Variants in TRPV2 observed in about 807,000 individuals in gnomAD.
TRPV2 encodes the protein transient receptor potential cation channel subfamily V member 2, also known as OTRPC2.
TRPV2 carries 58 observed loss-of-function variants against 91.0 expected under a neutral mutation model. That is an observed-to-expected ratio of 0.64 (90% CI 0.52 to 0.79). TRPV2 has a LOEUF of 0.79. TRPV2 is among the 30% of genes least tolerant of loss of function. The probability of loss-of-function intolerance (pLI) is 0.00; values close to 1 mark genes in which losing one functional copy is unlikely to be tolerated. For synonymous variants in TRPV2, 417 were observed against 414.8 expected (o/e 1.01, Z -0.06); for missense variants, 807 against 969.6 (o/e 0.83, Z 2.23).
In TRPV2 at chr17:16,427,514, C is replaced by A. The variant is rs201825898; in HGVS notation, c.1317C>A (p.Ile439=). 1 of 1,613,648 alleles carries A rather than the reference C, an allele frequency of 6.2e-7. No individual in the cohort carries two copies. The highest frequency in any genetic ancestry group is 8.5e-7 in the Non-Finnish European group (1 of 1,179,780). The change falls in exon 8 of 15, where the codon ATC becomes ATA. Residue 439 remains isoleucine (I), a synonymous_variant. Transcript: ENST00000338560. ...TGCTGCTGACGGGCCACATCCTTAT[C>A]CTGCTAGGGGGGATCTACCTCCTCG... ...NSMLLTGHIL[I]LLGGIYLLVG...
chr17:16,423,372 T>C (rs532350379), intron 4 of TRPV2, 97 bp from the exon 5 acceptor site: 13 of 1,380,838 alleles, frequency 9.4e-6, no homozygotes, highest in East Asian at 2.3e-5. Context: ...AAGCCTGACC[T>C]GTTTCAAGGA....
chr17:16,426,141 C>T lies in TRPV2; in HGVS notation c.967C>T (p.His323Tyr). Residue 323 changes from histidine to tyrosine, a missense_variant, in exon 6 of 15, where the codon CAC becomes TAC. Coordinates refer to ENST00000338560, the MANE Select transcript of TRPV2 (RefSeq NM_016113.5). This position sits in a 1 kb window ranked among gnomAD's most constrained non-coding sequence, Gnocchi z 6.0. The part of the protein sequence containing the change: ...ILQREFSGLS[H>Y]LSRKFTEWCY... ...GCAGCGGGAGTTTTCAGGACTGAGC[C>T]ACCTTTCCCGAAAGTTCACCGAGTG... 6.2e-7 allele frequency: 1 copy of T among 1,614,148 alleles called. No homozygotes were observed.
In TRPV2 at chr17:16,431,773, A is replaced by T. The variant is rs772665912; in HGVS notation, c.1588-11A>T. ...GCTACCCACCCTGGCCCCTGGGCAC[A>T]TGTGTTCCAGGTCATCCTGCGGGAC... On this transcript the variant is annotated splice_polypyrimidine_tract_variant and intron_variant, in intron 10 of 14. Transcript: ENST00000338560. 2.5e-6 allele frequency: 4 copies of T among 1,614,048 alleles called. No individual in the cohort carries two copies.
intron 3 of TRPV2, among the ~76,000 whole-genome samples, chr17:16,421,420 G>A (rs1011126478): frequency 4.6e-5 from 7 of 151,002 alleles, no homozygotes; most frequent in African/African-American, 1.2e-4. Context: ...GGGTTTCACC[G>A]TTTTAGCCAG....
At chr17:16,421,233 G>A (rs185207345) in intron 3 of TRPV2, among the ~76,000 whole-genome samples, 108 of 151,174 alleles carry the variant, frequency 7.1e-4, no homozygotes, top group African/African-American at 2.4e-3. Flanking sequence ...TTTTGGAGAC[G>A]GAGTCTTGCT....
intron 10 of TRPV2, 78 bp from the exon 11 acceptor site, chr17:16,431,706 C>A: frequency 7.5e-7 from 1 of 1,333,074 alleles, no homozygotes; most frequent in South Asian, 1.2e-5. Flanking sequence ...AACCATGCTG[C>A]TGTGGGTGAG....
chr17:16,423,675 G>T lies in TRPV2; in HGVS notation c.832G>T (p.Ala278Ser), dbSNP rs1600969070. Residue 278 changes from alanine to serine, a missense_variant, in exon 5 of 15, where the codon GCC becomes TCC. Physicochemically the swap from Ala to Ser is moderately conservative, Grantham distance 99. Transcript: ENST00000338560. The stretch of plus-strand genomic sequence containing the variant: ...GTATGATGGGCTCCTCCAAGCTGGG[G>T]CCCGCCTCTGCCCTACCGTGCAGCT... Reference protein sequence around the residue: ...SMYDGLLQAGARLCPTVQLED... With the variant: ...SMYDGLLQAGSRLCPTVQLED... 4 of 1,614,124 alleles carry T rather than the reference G, an allele frequency of 2.5e-6. No individual in the cohort carries two copies. The highest frequency in any genetic ancestry group is 2.5e-6 in the Non-Finnish European group (3 of 1,180,018).
At position 16,426,747 on chromosome 17, in the gene TRPV2, A is replaced by C; in HGVS notation, c.1121A>C (p.Glu374Ala). 1 of 1,613,814 alleles carries C rather than the reference A, an allele frequency of 6.2e-7. No homozygotes were observed. The highest frequency in any genetic ancestry group is 1.3e-5 in the African/African-American group (1 of 74,974). Residue 374 changes from glutamate (E) to alanine (A), a missense_variant, in exon 7 of 15, where the codon GAG (glutamate) becomes GCG (alanine). Glu to Ala is a moderately radical substitution (Grantham distance 107). Coordinates refer to ENST00000338560, the MANE Select transcript of TRPV2 (RefSeq NM_016113.5). The surrounding 1 kb of genome is among the most constrained non-coding windows in gnomAD (Gnocchi z 6.0). ...SPHRHRMVVL[E>A]PLNKLLQAKW... ...CACCGACACCGAATGGTCGTTTTGG[A>C]GCCCCTGAACAAACTGCTGCAGGCG...
intron 8 of TRPV2, 113 bp from the exon 9 acceptor site, chr17:16,428,204 C>G: frequency 1.0e-6 from 1 of 971,964 alleles, no homozygotes; most frequent in East Asian, 2.4e-5. Context: ...TCCCCCAAAA[C>G]CAAAGCTGCT....
At chr17:16,433,369 G>A in intron 12 of TRPV2, 1 of 611,954 alleles carries the variant, frequency 1.6e-6, no homozygotes, top group South Asian at 1.9e-5. Context: ...GTCTACAAAT[G>A]GGGAAACTGA....
At position 16,433,716 on chromosome 17, in the gene TRPV2, G is replaced by A. The variant is rs1015360214; in HGVS notation, c.2114+18G>A. On this transcript the variant is annotated intron_variant, in intron 13 of 14. Transcript: ENST00000338560. ...TGCTTCAGGTGAGTGAGTGGTGGGA[G>A]GGTCTCCTGGGGGCCTTGCTGTCCA... 4 of 1,611,918 alleles carry A rather than the reference G, an allele frequency of 2.5e-6. No homozygotes were observed. The highest frequency in any genetic ancestry group is 1.3e-5 in the African/African-American group (1 of 74,898).
Position 16,434,926 on chromosome 17 carries a change from G to C in TRPV2, c.2151G>C (p.Thr717=). Residue 717 remains threonine (T), a synonymous_variant, in exon 14 of 15, where the codon ACG becomes ACC. Transcript: ENST00000338560. ...EEVNWASWEQ[T]LPTLCEDPSG... is the part of the protein sequence containing the mutation. ...TGAACTGGGCTTCATGGGAGCAGAC[G>C]CTGCCTACGCTGTGTGAGGACCCGT... 6.2e-7 allele frequency: 1 copy of C among 1,611,892 alleles called. No individual in the cohort carries two copies. Among genetic ancestry groups the C allele is most frequent in the Non-Finnish European group, 8.5e-7 (1 of 1,179,146 alleles).
chr17:16,436,916 G>A lies in TRPV2; in HGVS notation c.*27G>A. 2 of 1,574,954 alleles carry A rather than the reference G, an allele frequency of 1.3e-6. No individual in the cohort carries two copies. The highest frequency in any genetic ancestry group is 1.7e-6 in the Non-Finnish European group (2 of 1,144,378). Reference sequence around the variant, plus strand: ...GGCCCAGATGCAGCAGGAGGCCAGAGGACAGAGCAGAGGATCTTTCCAACC... The same window carrying A: ...GGCCCAGATGCAGCAGGAGGCCAGAAGACAGAGCAGAGGATCTTTCCAACC... On this transcript the variant is annotated 3_prime_UTR_variant, in exon 15 of 15. Transcript: ENST00000338560.
chr17:16,436,695 A>G, intron 14 of TRPV2, 94 bp from the exon 15 acceptor site: 2 of 845,470 alleles, frequency 2.4e-6, no homozygotes, highest in Non-Finnish European at 4.0e-6. Flanking sequence ...CCACGGCATG[A>G]CGTGTTTTCA....
rs1306258170 is a variant in TRPV2 at position 16,422,649 on chromosome 17, G to C, written c.385G>C (p.Asp129His). The C allele has an allele frequency of 6.2e-7, 1 of 1,614,162 alleles. No individual in the cohort carries two copies. The highest frequency in any genetic ancestry group is 8.5e-7 in the Non-Finnish European group (1 of 1,180,020). ...CLMKAVLNLK[D>H]GVNACILPLL... is the part of the protein sequence containing the mutation. ...GATGAAGGCTGTGCTGAACCTTAAG[G>C]ACGGAGTCAATGCCTGCATTCTGCC... Residue 129 changes from aspartate to histidine, a missense_variant, in exon 4 of 15, where the codon GAC becomes CAC. Coordinates refer to ENST00000338560, the MANE Select transcript of TRPV2 (RefSeq NM_016113.5).
intron 13 of TRPV2, among the ~76,000 whole-genome samples, chr17:16,434,037 G>A (rs1465278276): frequency 3.3e-5 from 5 of 152,164 alleles, no homozygotes; most frequent in Non-Finnish European, 5.9e-5. Flanking sequence ...TGCCCTGGCT[G>A]CTCTGTGTCC....
At position 16,423,662 on chromosome 17, in the gene TRPV2, C is replaced by G; in HGVS notation, c.819C>G (p.Leu273=). The part of the protein sequence containing the change: ...IALVTSMYDG[L]LQAGARLCPT... Reference sequence around the variant, plus strand: ...TGGTGACCAGCATGTATGATGGGCTCCTCCAAGCTGGGGCCCGCCTCTGCC... The same window carrying G: ...TGGTGACCAGCATGTATGATGGGCTGCTCCAAGCTGGGGCCCGCCTCTGCC... Residue 273 remains leucine, a synonymous_variant, in exon 5 of 15, where the codon CTC becomes CTG. Coordinates refer to ENST00000338560, the MANE Select transcript of TRPV2 (RefSeq NM_016113.5). The G allele has an allele frequency of 6.2e-7, 1 of 1,614,174 alleles. No individual in the cohort carries two copies. The highest frequency in any genetic ancestry group is 8.5e-7 in the Non-Finnish European group (1 of 1,180,022).
intron 10 of TRPV2, among the ~76,000 whole-genome samples, chr17:16,430,038 TATTTTTAGTAGAGACAG>T: frequency 1.3e-5 from 2 of 152,004 alleles, no homozygotes; most frequent in African/African-American, 4.8e-5. Context: ...CTAATTTTTG[TATTTTTAGTAGAGACAG>T]GTTTTCACCA....
At chr17:16,432,592 C>A (rs1413105767) in intron 12 of TRPV2, among the ~76,000 whole-genome samples, 1 of 152,070 alleles carries the variant, frequency 6.6e-6, no homozygotes, top group Non-Finnish European at 1.5e-5. Flanking sequence ...AGGCACCTGC[C>A]ACCACACTTG....
Sources: gnomAD v4.1 joint callset for allele counts (sites outside exome capture counted in the v4.1 genomes callset) on GRCh38, gnomAD v4.1.1 for gene constraint, Gnocchi (gnomAD v3.1) non-coding constraint, MANE v1.5 for transcripts, NCBI Gene and HGNC (gene_info 2026-07-23, HGNC 2026-07-21) for gene names.